The following RSPH14 variants were observed in gnomAD, a reference collection of about 807,000 sequenced individuals.
The protein encoded by RSPH14 is radial spoke head 14 homolog.
A neutral mutation model predicts 26.7 loss-of-function variants in RSPH14; 20 were observed. That is an observed-to-expected ratio of 0.75 (90% CI 0.53 to 1.09). The LOEUF (loss-of-function observed/expected upper bound fraction) is 1.09. Ranked by LOEUF, RSPH14 falls within the 50% of genes least tolerant of loss-of-function variation. The pLI is 0.00. For missense variants in RSPH14, 449 were observed against 457.2 expected (o/e 0.98, Z 0.16); for synonymous variants, 177 against 189.3 (o/e 0.93, Z 0.53).
chr22:23,095,510 C>G lies in RSPH14; in HGVS notation c.422-31377G>C, dbSNP rs921698627. 3 of 641,338 alleles carry G rather than the reference C, an allele frequency of 4.7e-6. No homozygotes were observed. The African/African-American group carries it at 5.5e-5, about 12-fold the overall frequency. The allele number at this position is 641,338 out of a possible 1,614,324, so 39.7% of individuals were successfully genotyped here. ...GGCGGCCACCGCCCGCTGCACAGAGCGCCATGCCGGCTGGAGAAGAGGCGC... is the reference window on the plus strand; with the variant it reads ...GGCGGCCACCGCCCGCTGCACAGAGGGCCATGCCGGCTGGAGAAGAGGCGC... On this transcript the variant is annotated intron_variant, in intron 4 of 6. Transcript: ENST00000216036.
At chr22:23,146,640 G>C, upstream of RSPH14, 1 of 1,614,036 alleles carries the variant, frequency 6.2e-7, no homozygotes, top group African/African-American at 1.3e-5. Context: ...TGACACCTTT[G>C]GGGCCCCCTG....
intron 4 of RSPH14, among the ~76,000 whole-genome samples, chr22:23,089,610 G>A (rs1333498102): frequency 6.6e-6 from 1 of 152,178 alleles, no homozygotes; most frequent in East Asian, 1.9e-4. Flanking sequence ...CTCAACATCT[G>A]TTACAGGAAC....
chr22:23,167,706 A>T, the RSPH14 span, among the ~76,000 whole-genome samples: 37,402 of 145,100 alleles, frequency 0.26, 5,068 homozygotes, highest in East Asian at 0.63. Flanking sequence ...TTTTTTAATT[A>T]ATTTATTTTT....
At chr22:23,178,960 C>T in the RSPH14 span, among the ~76,000 whole-genome samples, 2 of 152,210 alleles carry the variant, frequency 1.3e-5, no homozygotes, top group South Asian at 4.1e-4. Context: ...ATTAAAATAC[C>T]CAAACCAGCC....
intron 4 of RSPH14, among the ~76,000 whole-genome samples, chr22:23,080,674 A>G (rs1215319976): frequency 6.6e-6 from 1 of 152,248 alleles, no homozygotes; most frequent in Admixed American, 6.5e-5. Flanking sequence ...AGTGGCTGCA[A>G]AGAGCCCACA....
chr22:23,071,505 C>G lies in RSPH14; in HGVS notation c.422-7372G>C, dbSNP rs1201590693. Among the ~76,000 whole-genome samples, 28 of 152,224 alleles carry G rather than the reference C, an allele frequency of 1.8e-4. No homozygotes were observed. The highest frequency in any genetic ancestry group is 1.8e-3 in the Admixed American group (28 of 15,290). ...CGGCTCCTTTCTGCCCAAGTGATTT[C>G]CCTGCCCTGGGGATTGAGCTCTCTG... is the stretch of plus-strand genomic sequence containing the variant. On this transcript the variant is annotated intron_variant, in intron 4 of 6. Transcript: ENST00000216036. The surrounding 1 kb of genome is among the most constrained non-coding windows in gnomAD (Gnocchi z 4.1).
chr22:23,180,062 GA>G, the RSPH14 span: 1 of 347,722 alleles, frequency 2.9e-6, no homozygotes, highest in Non-Finnish European at 5.5e-6. Flanking sequence ...GCAGAGGGGG[GA>G]GGTTGCTTCT....
chr22:23,142,121 CG>C (rs1210485666), upstream of RSPH14: 1 of 766,292 alleles, frequency 1.3e-6, no homozygotes, highest in Non-Finnish European at 1.6e-6. Flanking sequence ...GGCTGCAAAG[CG>C]GGAACAATCA....
intron 6 of RSPH14, among the ~76,000 whole-genome samples, chr22:23,060,199 C>T (rs534489966): frequency 5.8e-4 from 89 of 152,194 alleles, no homozygotes; most frequent in African/African-American, 9.6e-4. Context: ...CAGCTGGGCG[C>T]GGTGGCTCAC....
intron 4 of RSPH14, among the ~76,000 whole-genome samples, chr22:23,090,932 T>G (rs1365495173): frequency 6.6e-6 from 1 of 152,170 alleles, no homozygotes; most frequent in East Asian, 1.9e-4. Context: ...AAAGCCATGG[T>G]TTAGCAAGTA....
At chr22:23,140,835 T>C (rs2070586088) in intron 1 of RSPH14, among the ~76,000 whole-genome samples, 1 of 152,190 alleles carries the variant, frequency 6.6e-6, no homozygotes, top group Admixed American at 6.5e-5. Context: ...TAGTATCCAA[T>C]TCAACTACCC....
upstream of RSPH14, among the ~76,000 whole-genome samples, chr22:23,147,221 A>G (rs551371352): frequency 3.9e-4 from 59 of 152,140 alleles, 1 homozygote; most frequent in Admixed American, 1.3e-4. Flanking sequence ...TTAAAATCCA[A>G]TATTAATTGC....
At chr22:23,063,081 A>T (rs1490340426) in intron 5 of RSPH14, among the ~76,000 whole-genome samples, 1 of 152,142 alleles carries the variant, frequency 6.6e-6, no homozygotes. Context: ...TTTCAGAGAG[A>T]GAGAGCTCTC....
chr22:23,135,711 A>G (rs926806928), intron 3 of RSPH14, among the ~76,000 whole-genome samples: 12 of 152,246 alleles, frequency 7.9e-5, no homozygotes, highest in African/African-American at 2.2e-4. Context: ...TGGGTCCCAC[A>G]TGGGGATTGA....
intron 4 of RSPH14, among the ~76,000 whole-genome samples, chr22:23,065,389 A>G (rs1243451554): frequency 1.3e-5 from 2 of 152,058 alleles, no homozygotes; most frequent in Non-Finnish European, 2.9e-5. Flanking sequence ...GGTGGCTTCC[A>G]GTGCCCCTGG....
intron 4 of RSPH14, among the ~76,000 whole-genome samples, chr22:23,075,148 G>C (rs1349163164): frequency 6.6e-6 from 1 of 152,162 alleles, no homozygotes; most frequent in Non-Finnish European, 1.5e-5. Context: ...CTGTGGAGAA[G>C]GAAGGCCTGG....
intron 4 of RSPH14, among the ~76,000 whole-genome samples, chr22:23,081,419 G>T (rs1054749167): frequency 6.6e-6 from 1 of 152,182 alleles, no homozygotes; most frequent in Non-Finnish European, 1.5e-5. Context: ...AGGTCTTCCT[G>T]CTTTAATTCA....
the RSPH14 span, chr22:23,180,177 T>C: frequency 4.3e-6 from 1 of 232,532 alleles, no homozygotes; most frequent in Non-Finnish European, 8.5e-6. Context: ...GCCGGAGAAG[T>C]CCTCCTGGCC....
chr22:23,065,942 C>A (rs936650639), intron 4 of RSPH14, among the ~76,000 whole-genome samples: 5 of 152,178 alleles, frequency 3.3e-5, no homozygotes, highest in African/African-American at 1.2e-4. Context: ...CTCTCTCTCG[C>A]AGCTCCCTGC....
Sources: gnomAD v4.1 joint callset for allele counts (sites outside exome capture counted in the v4.1 genomes callset) on GRCh38, gnomAD v4.1.1 for gene constraint, Gnocchi (gnomAD v3.1) non-coding constraint, MANE v1.5 for transcripts, NCBI Gene and HGNC (gene_info 2026-07-23, HGNC 2026-07-21) for gene names.